Variants in TDRD9 observed in about 807,000 individuals in gnomAD.
TDRD9 encodes ATP-dependent RNA helicase TDRD9.
A neutral mutation model predicts 172.6 loss-of-function variants in TDRD9; 124 were observed. The ratio of observed to expected loss-of-function variants is 0.72; its 90% CI spans 0.62 to 0.83. The LOEUF is 0.83. Among genes scored for constraint, TDRD9 ranks in the 40% least tolerant of loss-of-function variants. The probability of loss-of-function intolerance (pLI) is 0.00; values close to 1 mark genes in which losing one functional copy is unlikely to be tolerated. For synonymous variants in TDRD9, 619 were observed against 617.1 expected, an observed-to-expected ratio of 1.00 and a Z score of -0.05; for missense variants, 1,479 against 1,714.1, an observed-to-expected ratio of 0.86 and a Z score of 2.42.
chr14:103,945,116 T>C (rs547287637), intron 1 of TDRD9, among the ~76,000 whole-genome samples: 1 of 152,226 alleles, frequency 6.6e-6, no homozygotes, highest in Non-Finnish European at 1.5e-5. Flanking sequence ...TTAATATACT[T>C]GGAACACTTC....
intron 5 of TDRD9, among the ~76,000 whole-genome samples, 174 bp from the exon 6 acceptor site, chr14:103,970,367 T>C (rs1052982688): frequency 6.6e-6 from 1 of 152,162 alleles, no homozygotes; most frequent in East Asian, 1.9e-4. Context: ...CTGTGGTCTG[T>C]TGGCCGATGC....
chr14:103,966,192 A>G (rs1341754411), intron 4 of TDRD9, among the ~76,000 whole-genome samples: 1 of 149,884 alleles, frequency 6.7e-6, no homozygotes, highest in African/African-American at 2.5e-5. Flanking sequence ...TTAGCCAGGC[A>G]TGATGGCACA....
Position 103,982,896 on chromosome 14 carries a change from C to T in TDRD9, c.1012-3321C>T, listed in dbSNP as rs1365997193. Among the ~76,000 whole-genome samples the T allele has an allele frequency of 5.9e-5, 9 of 151,868 alleles. 1 individual carries two copies. The highest frequency in any genetic ancestry group is 9.7e-5 in the African/African-American group (4 of 41,338). ...AGCCTGGACAACAAGAGCGAAACTCCGTTTCAAAAAACAAAACAAAACAAA... is the reference window on the plus strand; with the variant it reads ...AGCCTGGACAACAAGAGCGAAACTCTGTTTCAAAAAACAAAACAAAACAAA... On this transcript the variant is annotated intron_variant, in intron 7 of 35. Transcript: ENST00000409874.
At chr14:104,048,601 T>C (rs1462388684) in intron 34 of TDRD9, among the ~76,000 whole-genome samples, 1 of 152,128 alleles carries the variant, frequency 6.6e-6, no homozygotes, top group Non-Finnish European at 1.5e-5. Flanking sequence ...AGGCACTTTT[T>C]GATTCTTCCC....
At chr14:104,007,301 C>A in intron 19 of TDRD9, 97 bp downstream of exon 19, 2 of 1,182,304 alleles carry the variant, frequency 1.7e-6, no homozygotes, top group Non-Finnish European at 2.4e-6. Context: ...CATGACGGTG[C>A]CACCTGCGGC....
intron 5 of TDRD9, among the ~76,000 whole-genome samples, chr14:103,967,343 A>T (rs2152146390): frequency 7.2e-6 from 1 of 138,220 alleles, no homozygotes; most frequent in South Asian, 2.5e-4. Flanking sequence ...CTCTACTAAA[A>T]ATACAAAAAA....
intron 2 of TDRD9, among the ~76,000 whole-genome samples, chr14:103,957,884 C>G (rs2032322519): frequency 6.6e-6 from 1 of 152,148 alleles, no homozygotes; most frequent in Non-Finnish European, 1.5e-5. Context: ...CTCGAAGTGT[C>G]TGTTCTCATA....
chr14:103,959,818 A>G (rs2032425654), intron 2 of TDRD9, among the ~76,000 whole-genome samples: 1 of 152,226 alleles, frequency 6.6e-6, no homozygotes, highest in African/African-American at 2.4e-5. Context: ...GCATTGATAA[A>G]TGAAATCTTT....
chr14:104,018,033 T>C, intron 22 of TDRD9, 59 bp from the exon 23 acceptor site: 1 of 995,890 alleles, frequency 1.0e-6, no homozygotes, highest in Non-Finnish European at 1.5e-6. Context: ...AGCTTGTGAA[T>C]GTTGAAACTA....
At position 103,997,283 on chromosome 14, in the gene TDRD9, C is replaced by T. The variant is rs60248951; in HGVS notation, c.1379-1341C>T. ...GGTGGTGCTTAGAAAAGGACAGCAG[C>T]GGTAGGGGACAGGAGGTGGGGGTAG... On this transcript the variant is annotated intron_variant, in intron 12 of 35. Coordinates refer to ENST00000409874, the MANE Select transcript of TDRD9 (RefSeq NM_153046.3). The surrounding 1 kb of genome is among the most constrained non-coding windows in gnomAD (Gnocchi z 5.1). 8.2e-4 allele frequency among the ~76,000 whole-genome samples: 125 copies of T among 152,182 alleles called. No homozygotes were observed. Among genetic ancestry groups the T allele is most frequent in the African/African-American group, 2.9e-3 (122 of 41,514 alleles).
intron 2 of TDRD9, among the ~76,000 whole-genome samples, chr14:103,959,063 T>G (rs1051581973): frequency 1.3e-4 from 20 of 152,160 alleles, no homozygotes; most frequent in Admixed American, 1.3e-3. Flanking sequence ...TTTGGTCATA[T>G]TTTTGAGAGT....
intron 1 of TDRD9, among the ~76,000 whole-genome samples, chr14:103,931,356 T>C (rs1301695269): frequency 2.6e-5 from 4 of 151,990 alleles, no homozygotes; most frequent in African/African-American, 9.7e-5. Context: ...GATGTAAACA[T>C]TTTAACTTCT....
intron 1 of TDRD9, among the ~76,000 whole-genome samples, chr14:103,954,531 G>A (rs577586243): frequency 6.6e-6 from 1 of 152,216 alleles, no homozygotes; most frequent in Non-Finnish European, 1.5e-5. Flanking sequence ...GTCTTTGCAC[G>A]TGCTTCGTTT....
In TDRD9 at chr14:104,034,037, T is replaced by G; in HGVS notation, c.3587T>G (p.Leu1196Arg). Reference protein sequence around the residue: ...DAPEDLHQRMLVAASLSINAT... With the variant: ...DAPEDLHQRMRVAASLSINAT... ...CCTGAAGACCTTCACCAGAGAATGC[T>G]GGTTGCAGCTTCCCTTTCCATCAAT... The change falls in exon 31 of 36, where the codon CTG (leucine) becomes CGG (arginine). Residue 1196 changes from leucine to arginine, a missense_variant. Transcript: ENST00000409874. 6.4e-7 allele frequency: 1 copy of G among 1,551,368 alleles called. No individual in the cohort carries two copies. Among genetic ancestry groups the G allele is most frequent in the African/African-American group, 1.4e-5 (1 of 73,140 alleles).
At chr14:104,042,534 CCT>C (rs1475486009) in intron 34 of TDRD9, among the ~76,000 whole-genome samples, 9 of 152,120 alleles carry the variant, frequency 5.9e-5, no homozygotes, top group African/African-American at 1.9e-4. Context: ...CTCTCTTGAA[CCT>C]CTCTGCAGGG....
At chr14:103,975,707 T>A (rs944864231) in intron 7 of TDRD9, among the ~76,000 whole-genome samples, 154 bp downstream of exon 7, 14 of 152,216 alleles carry the variant, frequency 9.2e-5, no homozygotes, top group African/African-American at 1.4e-4. Flanking sequence ...TATAGTGTGG[T>A]ATTTTGATAC....
At chr14:103,970,292 A>G (rs1175107244) in intron 5 of TDRD9, among the ~76,000 whole-genome samples, 1 of 152,080 alleles carries the variant, frequency 6.6e-6, no homozygotes, top group East Asian at 1.9e-4. Context: ...GGTGCAGAAC[A>G]TTACTCTGCC....
At chr14:103,963,551 C>G (rs1309534109) in intron 3 of TDRD9, among the ~76,000 whole-genome samples, 2 of 152,204 alleles carry the variant, frequency 1.3e-5, no homozygotes, top group Non-Finnish European at 2.9e-5. Flanking sequence ...ATGACATACC[C>G]TAGCATTTCC....
At chr14:104,031,348 G>A in intron 29 of TDRD9, 85 bp downstream of exon 29, 1 of 1,262,356 alleles carries the variant, frequency 7.9e-7, no homozygotes, top group Non-Finnish European at 1.1e-6. Context: ...AGTAGTCATG[G>A]TGGTTTTTTC....
Sources: gnomAD v4.1 joint callset for allele counts (sites outside exome capture counted in the v4.1 genomes callset) on GRCh38, gnomAD v4.1.1 for gene constraint, Gnocchi (gnomAD v3.1) non-coding constraint, MANE v1.5 for transcripts, NCBI Gene and HGNC (gene_info 2026-07-23, HGNC 2026-07-21) for gene names.